The following TAS2R1 variants were observed in gnomAD, a reference collection of about 807,000 sequenced individuals.
TAS2R1 encodes the protein taste receptor type 2 member 1.
For missense variants in TAS2R1, 370 were observed against 353.4 expected, an observed-to-expected ratio of 1.05 and a Z score of -0.38; for synonymous variants, 141 against 134.2, an observed-to-expected ratio of 1.05 and a Z score of -0.35.
the TAS2R1 span, among the ~76,000 whole-genome samples, chr5:9,787,133 A>T: frequency 1.3e-5 from 2 of 152,182 alleles, no homozygotes; most frequent in African/African-American, 4.8e-5. Context: ...TCACCTAGCC[A>T]GGTGACTAGC....
At chr5:9,894,453 G>A in the TAS2R1 span, among the ~76,000 whole-genome samples, 1 of 151,624 alleles carries the variant, frequency 6.6e-6, no homozygotes, top group African/African-American at 2.4e-5. Flanking sequence ...AGGCAGCAGG[G>A]AGACACACAC....
the TAS2R1 span, among the ~76,000 whole-genome samples, chr5:9,855,549 T>G: frequency 1.3e-5 from 2 of 152,202 alleles, no homozygotes; most frequent in Admixed American, 1.3e-4. Context: ...AAGAACAGCG[T>G]ATCAGTCACT....
chr5:9,735,866 A>C, the TAS2R1 span, among the ~76,000 whole-genome samples: 1 of 152,352 alleles, frequency 6.6e-6, no homozygotes, highest in African/African-American at 2.4e-5. Context: ...ATAGAAACCT[A>C]TAACAATCAT....
At chr5:9,728,986 C>T in the TAS2R1 span, among the ~76,000 whole-genome samples, 2 of 152,200 alleles carry the variant, frequency 1.3e-5, no homozygotes, top group African/African-American at 4.8e-5. Flanking sequence ...CCTGAGCTAT[C>T]TTCTGGCTCA....
chr5:9,788,592 T>TAA, the TAS2R1 span, among the ~76,000 whole-genome samples: 18 of 151,720 alleles, frequency 1.2e-4, no homozygotes, highest in African/African-American at 4.4e-4. Flanking sequence ...CTTTGTCTCT[T>TAA]AAAAAAAATA....
chr5:9,834,569 A>C, the TAS2R1 span, among the ~76,000 whole-genome samples: 1 of 152,180 alleles, frequency 6.6e-6, no homozygotes, highest in African/African-American at 2.4e-5. Context: ...AAAATATTTT[A>C]AAGATCAAAT....
chr5:9,779,564 G>A, the TAS2R1 span, among the ~76,000 whole-genome samples: 1 of 152,218 alleles, frequency 6.6e-6, no homozygotes, highest in East Asian at 1.9e-4. Context: ...AGGAGAGGAA[G>A]AGAGATGGGG....
the TAS2R1 span, among the ~76,000 whole-genome samples, chr5:9,873,114 T>C: frequency 1.3e-5 from 2 of 152,322 alleles, no homozygotes; most frequent in South Asian, 4.1e-4. Context: ...CTAAATAACA[T>C]GTCCTGAGTT....
At chr5:9,734,360 A>C in the TAS2R1 span, among the ~76,000 whole-genome samples, 1 of 152,206 alleles carries the variant, frequency 6.6e-6, no homozygotes. Flanking sequence ...TTGTCCAATC[A>C]ATACAGCTCC....
chr5:9,749,881 T>G, the TAS2R1 span, among the ~76,000 whole-genome samples: 2 of 152,166 alleles, frequency 1.3e-5, no homozygotes, highest in Non-Finnish European at 2.9e-5. Flanking sequence ...TGTGAACCTC[T>G]CTTTTCTCTG....
In TAS2R1 at chr5:9,629,107, T is replaced by A. The variant is rs754984092; in HGVS notation, c.*26A>T. 7.3e-6 allele frequency: 11 copies of A among 1,511,848 alleles called. No homozygotes were observed. In the African/African-American group the frequency reaches 1.5e-4, roughly 21 times the overall value. The allele number at this position is 1,511,848 out of a possible 1,614,324, so 93.7% of individuals were successfully genotyped here. ...CATGGGTAAATCATTGAATCATGGG[T>A]TCTTTGAACTGATCCAACTTCTCTC... On this transcript the variant is annotated 3_prime_UTR_variant, in exon 1 of 1. Coordinates refer to ENST00000382492, the MANE Select transcript of TAS2R1 (RefSeq NM_019599.3).
intron 1 of TAS2R1, among the ~76,000 whole-genome samples, chr5:9,688,773 G>A (rs1356379263): frequency 3.3e-5 from 5 of 152,042 alleles, no homozygotes; most frequent in Middle Eastern, 3.2e-3. Context: ...GCTTTATCTC[G>A]CACCCTCTCT....
chr5:9,797,504 T>C, the TAS2R1 span, among the ~76,000 whole-genome samples: 3 of 152,134 alleles, frequency 2.0e-5, no homozygotes, highest in African/African-American at 7.2e-5. Context: ...GAAGAAAGCA[T>C]GAATTAACAG....
the TAS2R1 span, chr5:9,903,850 G>T: frequency 6.6e-6 from 1 of 152,328 alleles, no homozygotes; most frequent in East Asian, 1.9e-4. Context: ...TGCTGCAGCT[G>T]CCATGACAGA....
chr5:9,785,821 C>G, the TAS2R1 span, among the ~76,000 whole-genome samples: 9 of 152,186 alleles, frequency 5.9e-5, no homozygotes, highest in Non-Finnish European at 1.3e-4. Flanking sequence ...CAACCTCCCA[C>G]ACCCATCACT....
the TAS2R1 span, among the ~76,000 whole-genome samples, chr5:9,886,624 G>A: frequency 3.9e-5 from 6 of 151,944 alleles, no homozygotes; most frequent in South Asian, 1.0e-3. Flanking sequence ...GTGAGCCACC[G>A]TTCCCAGTCT....
intron 1 of TAS2R1, among the ~76,000 whole-genome samples, chr5:9,711,032 T>C (rs1292479529): frequency 1.3e-5 from 2 of 150,416 alleles, no homozygotes; most frequent in African/African-American, 4.9e-5. Flanking sequence ...ATGCGGAGAA[T>C]AGAAACCCTT....
At chr5:9,694,511 G>A (rs1579787284) in intron 1 of TAS2R1, among the ~76,000 whole-genome samples, 1 of 152,156 alleles carries the variant, frequency 6.6e-6, no homozygotes, top group African/African-American at 2.4e-5. Flanking sequence ...CATTTTAATA[G>A]GTGCCATTTT....
In TAS2R1 at chr5:9,686,212, T is replaced by A. The variant is rs560699542; in HGVS notation, c.-242+25960A>T. Among the ~76,000 whole-genome samples the A allele has an allele frequency of 1.1e-4, 17 of 152,222 alleles. No individual in the cohort carries two copies. In the East Asian group the frequency reaches 2.3e-3, roughly 21 times the overall value. On this transcript the variant is annotated intron_variant, in intron 1 of 2. Coordinates refer to the TAS2R1 transcript ENST00000506620. Reference sequence around the variant, plus strand: ...GATCGGATGACCCTGTTACACAAGATCTTCATTTATTATTAATCTTACATC... The same window carrying A: ...GATCGGATGACCCTGTTACACAAGAACTTCATTTATTATTAATCTTACATC...
Sources: gnomAD v4.1 joint callset for allele counts (sites outside exome capture counted in the v4.1 genomes callset) on GRCh38, gnomAD v4.1.1 for gene constraint, MANE v1.5 for transcripts, NCBI Gene and HGNC (gene_info 2026-07-23, HGNC 2026-07-21) for gene names.